The following PIEZO1 variants were observed in gnomAD, a reference collection of about 807,000 sequenced individuals.
PIEZO1 encodes the protein piezo-type mechanosensitive ion channel component 1.
A neutral mutation model predicts 297.2 loss-of-function variants in PIEZO1; 296 were observed. That is an observed-to-expected ratio of 1.00 (90% CI 0.91 to 1.10). The LOEUF (loss-of-function observed/expected upper bound fraction) is 1.10. Ranked by LOEUF, PIEZO1 falls within the 50% of genes least tolerant of loss-of-function variation. The probability of loss-of-function intolerance (pLI) is 0.00; values close to 1 mark genes in which losing one functional copy is unlikely to be tolerated. For missense variants in PIEZO1, 5,018 were observed against 3,455.5 expected, an observed-to-expected ratio of 1.45 and a Z score of -11.34; for synonymous variants, 2,427 against 1,507.5, an observed-to-expected ratio of 1.61 and a Z score of -14.13.
rs3217718 is a variant in PIEZO1, at chr16:88,721,199, CCTT to C, written c.5632_5634del (p.Lys1878del). ...GCCGCTCCTTTCCGTGCTGGGCCCTCCTTCTTCCTTCTTCTAAAACGTAGACTG... is the reference window on the plus strand; with the variant it reads ...GCCGCTCCTTTCCGTGCTGGGCCCTCCTTCCTTCTTCTAAAACGTAGACTG... On this transcript the variant is annotated inframe_deletion, in exon 39 of 51. Coordinates refer to ENST00000301015, the MANE Select transcript of PIEZO1 (RefSeq NM_001142864.4). 495,034 of 1,525,278 alleles carry C rather than the reference CCTT, an allele frequency of 0.32. 84,118 individuals are homozygous for C. The highest frequency in any genetic ancestry group is 0.35 in the Non-Finnish European group (398,599 of 1,137,384). 94.5% of individuals were successfully genotyped at this position (1,525,278 alleles called of 1,614,324 possible). A position where few individuals can be genotyped will look rare whatever the true frequency, so the allele number is the denominator to read the frequency against.
intron 5 of PIEZO1, 163 bp from the exon 6 acceptor site, chr16:88,738,899 AGGT>A: frequency 1.6e-6 from 1 of 635,480 alleles, no homozygotes; most frequent in Non-Finnish European, 2.7e-6. Flanking sequence ...GCCGTCCCTG[AGGT>A]CTGCCTGACA....
chr16:88,735,143 G>T lies in PIEZO1; in HGVS notation c.1661C>A (p.Ala554Glu), dbSNP rs1269992207. 1 of 1,549,774 alleles carries T rather than the reference G, an allele frequency of 6.5e-7. No individual in the cohort carries two copies. Among genetic ancestry groups the T allele is most frequent in the Admixed American group, 2.0e-5 (1 of 51,010 alleles). ...SPAALTEVTVADTEPTRTQTL... is the reference protein window; with the variant it reads ...SPAALTEVTVEDTEPTRTQTL... ...TCTGGCCCACCACTCACCTGTGTCTGCCACGGTGACCTCCGTCAGCGCAGC... is the reference window on the plus strand; with the variant it reads ...TCTGGCCCACCACTCACCTGTGTCTTCCACGGTGACCTCCGTCAGCGCAGC... The change falls in exon 13 of 51, where the codon GCA becomes GAA. Residue 554 changes from alanine to glutamate, a missense_variant. By Grantham distance (107) the Ala-to-Glu change is moderately radical. Coordinates refer to ENST00000301015, the MANE Select transcript of PIEZO1 (RefSeq NM_001142864.4).
chr16:88,732,705 G>A lies in PIEZO1; in HGVS notation c.2692C>T (p.Pro898Ser). Residue 898 changes from proline to serine, a missense_variant, in exon 20 of 51, where the codon CCC (proline) becomes TCC (serine). Pro to Ser is a moderately conservative substitution (Grantham distance 74). Transcript: ENST00000301015. ...EPFPNSTNLLPTEISQSLLYR... is the reference protein window; with the variant it reads ...EPFPNSTNLLSTEISQSLLYR... ...AGCAGGGACTGGCTGATCTCCGTGG[G>A]CAGCAAGTTGGTGCTGTTGGGGAAG... 6.5e-7 allele frequency: 1 copy of A among 1,548,730 alleles called. No homozygotes were observed. Among genetic ancestry groups the A allele is most frequent in the Non-Finnish European group, 8.7e-7 (1 of 1,145,978 alleles).
chr16:88,726,673 C>CGGGGCCAGT (rs770174162), intron 25 of PIEZO1, 30 bp from the exon 26 acceptor site: 43 of 1,283,992 alleles, frequency 3.3e-5, no homozygotes, highest in South Asian at 7.6e-5. Flanking sequence ...GCGGGGCCAG[C>CGGGGCCAGT]GGGGCCCCAG....
intron 1 of PIEZO1, among the ~76,000 whole-genome samples, chr16:88,759,331 G>C (rs1906818066): frequency 6.6e-6 from 1 of 152,192 alleles, no homozygotes. Context: ...CTCTGAAAGG[G>C]GCCGGGTGAG....
intron 1 of PIEZO1, among the ~76,000 whole-genome samples, chr16:88,761,216 G>A (rs187848754): frequency 2.7e-3 from 407 of 152,366 alleles, no homozygotes; most frequent in Non-Finnish European, 3.9e-3. Flanking sequence ...ACAGGGTCCT[G>A]CAGGCATCAG....
intron 1 of PIEZO1, among the ~76,000 whole-genome samples, chr16:88,779,900 T>G (rs1405265714): frequency 2.0e-5 from 3 of 152,234 alleles, no homozygotes; most frequent in Non-Finnish European, 4.4e-5. Context: ...ATTCTGAGCC[T>G]TCCGGGGGGG....
At chr16:88,762,041 G>A (rs566445320) in intron 1 of PIEZO1, among the ~76,000 whole-genome samples, 8 of 152,318 alleles carry the variant, frequency 5.3e-5, no homozygotes, top group African/African-American at 1.2e-4. Flanking sequence ...CATCTCTGGC[G>A]CAGATACAGG....
At chr16:88,727,381 C>CTGT (rs1904525086) in intron 23 of PIEZO1, among the ~76,000 whole-genome samples, 176 bp downstream of exon 23, 1 of 152,212 alleles carries the variant, frequency 6.6e-6, no homozygotes, top group Non-Finnish European at 1.5e-5. Flanking sequence ...CAAGGGCTGC[C>CTGT]GTGCACACAG....
At chr16:88,748,566 C>A (rs1215449123) in intron 2 of PIEZO1, among the ~76,000 whole-genome samples, 1 of 151,176 alleles carries the variant, frequency 6.6e-6, no homozygotes, top group Non-Finnish European at 1.5e-5. Flanking sequence ...GCGGTCCAGG[C>A]GGCTGGAACT....
chr16:88,724,987 C>G (rs1385396315), intron 30 of PIEZO1, 22 bp downstream of exon 30: 5 of 1,436,132 alleles, frequency 3.5e-6, no homozygotes, highest in Non-Finnish European at 4.6e-6. Flanking sequence ...AGGGTGGCCA[C>G]AGGCGGCCTA....
At chr16:88,779,826 C>A (rs555248953) in intron 1 of PIEZO1, among the ~76,000 whole-genome samples, 4 of 152,206 alleles carry the variant, frequency 2.6e-5, no homozygotes, top group African/African-American at 4.8e-5. Flanking sequence ...CCGGCCACCG[C>A]GGCACTCAGC....
chr16:88,725,306 G>A, intron 29 of PIEZO1, 110 bp downstream of exon 29: 1 of 756,040 alleles, frequency 1.3e-6, no homozygotes, highest in Non-Finnish European at 2.1e-6. Context: ...GACAGGACAG[G>A]CGGGCTGGGA....
rs369458753 is a variant in PIEZO1 at position 88,763,747 on chromosome 16, G to C, written c.65-14268C>G. 2.6e-5 allele frequency among the ~76,000 whole-genome samples: 4 copies of C among 152,340 alleles called. No homozygotes were observed. In the South Asian group the frequency reaches 8.3e-4, roughly 32 times the overall value. On this transcript the variant is annotated intron_variant, in intron 1 of 50. Transcript: ENST00000301015. The stretch of plus-strand genomic sequence containing the variant: ...AATGATTACATTGATTAGCATGGAA[G>C]GGCCGATGTTAAGGTCTGGGTAAAC...
intron 1 of PIEZO1, among the ~76,000 whole-genome samples, chr16:88,769,531 G>T (rs1907327278): frequency 6.6e-6 from 1 of 152,222 alleles, no homozygotes; most frequent in Non-Finnish European, 1.5e-5. Context: ...CAATGGAGCT[G>T]TGGGACCGGT....
chr16:88,760,315 T>A (rs1906872798), intron 1 of PIEZO1, among the ~76,000 whole-genome samples: 1 of 152,144 alleles, frequency 6.6e-6, no homozygotes, highest in African/African-American at 2.4e-5. Flanking sequence ...AAGCCCCTCT[T>A]CCTGCCTCAT....
At chr16:88,759,240 G>T (rs1036816362) in intron 1 of PIEZO1, among the ~76,000 whole-genome samples, 2 of 152,250 alleles carry the variant, frequency 1.3e-5, no homozygotes, top group African/African-American at 4.8e-5. Flanking sequence ...GGCAGCTGCA[G>T]GGCTAGAACC....
chr16:88,774,126 C>T (rs1333666092), intron 1 of PIEZO1, among the ~76,000 whole-genome samples: 1 of 152,218 alleles, frequency 6.6e-6, no homozygotes. Flanking sequence ...TGGGCGTGGC[C>T]TGAGCTTCTA....
chr16:88,761,870 G>A (rs1906950192), intron 1 of PIEZO1, among the ~76,000 whole-genome samples: 1 of 152,124 alleles, frequency 6.6e-6, no homozygotes, highest in South Asian at 2.1e-4. Flanking sequence ...TCAGGGATCT[G>A]GGACTCATCC....
Sources: allele counts gnomAD v4.1 joint callset (sites outside exome capture counted in the v4.1 genomes callset), GRCh38; gene constraint gnomAD v4.1.1; transcripts MANE v1.5; gene names NCBI Gene and HGNC (gene_info 2026-07-23, HGNC 2026-07-21).